The following TMF1 variants were observed in gnomAD, a reference collection of about 807,000 sequenced individuals.
TMF1 encodes TATA element modulatory factor 1, also known as TATA element modulatory factor.
Under a neutral mutation model 126.5 loss-of-function variants are expected in TMF1, and 71 were observed. The ratio of observed to expected loss-of-function variants is 0.56; its 90% CI spans 0.46 to 0.68. The LOEUF (loss-of-function observed/expected upper bound fraction) is 0.68, where lower values mean the gene tolerates loss of function less well. Among genes scored for constraint, TMF1 ranks in the 30% least tolerant of loss-of-function variants. The probability of loss-of-function intolerance (pLI) is 0.00; values close to 1 mark genes in which losing one functional copy is unlikely to be tolerated. For synonymous variants in TMF1, 461 were observed against 430.5 expected (o/e 1.07, Z -0.88); for missense variants, 1,259 against 1,253.2 (o/e 1.00, Z -0.07).
rs776115228 is a variant in TMF1, at chr3:69,047,692, C to G, written c.1013G>C (p.Ser338Thr). The G allele has an allele frequency of 3.7e-6, 6 of 1,614,024 alleles. No individual in the cohort carries two copies. The African/African-American group carries it at 8.0e-5, about 22-fold the overall frequency. Residue 338 changes from serine to threonine, a missense_variant, in exon 2 of 17, where the codon AGT (serine) becomes ACT (threonine). Ser to Thr is a moderately conservative substitution (Grantham distance 58). Coordinates refer to ENST00000398559, the MANE Select transcript of TMF1 (RefSeq NM_007114.3). ...ATCATCTGAATTGATTTCACTTACA[C>G]TCCGGCTATCTAATGACTGTACACT... Reference protein sequence around the residue: ...SFSVQSLDSRSVSEINSDDEL... With the variant: ...SFSVQSLDSRTVSEINSDDEL...
In TMF1 at chr3:69,023,010, TTAACTG is replaced by T; in HGVS notation, c.*161_*166del. On this transcript the variant is annotated 3_prime_UTR_variant, in exon 17 of 17. Transcript: ENST00000398559. ...AAGTTCAAATATTGCACAAAATAAT[TTAACTG>T]TAAATATTACTACATAGTGTAAAAC... The T allele has an allele frequency of 2.1e-6, 1 of 480,412 alleles. No individual in the cohort carries two copies. Among genetic ancestry groups the T allele is most frequent in the East Asian group, 3.5e-5 (1 of 28,678 alleles). 29.8% of individuals were successfully genotyped at this position (480,412 alleles called of 1,614,324 possible).
In TMF1 at chr3:69,043,732, A is replaced by T; in HGVS notation, c.1578+18T>A. ...ATCTCTATAGAGTTTAATTAATATT[A>T]CTTTAAATTTCAATTACCTTTTTAG... On this transcript the variant is annotated intron_variant, in intron 4 of 16. Transcript: ENST00000398559. The T allele has an allele frequency of 6.3e-7, 1 of 1,591,518 alleles. No homozygotes were observed. Among genetic ancestry groups the T allele is most frequent in the Non-Finnish European group, 8.6e-7 (1 of 1,168,970 alleles).
At chr3:69,048,870 A>G (rs2091911203) in intron 1 of TMF1, 1 of 232,754 alleles carries the variant, frequency 4.3e-6, no homozygotes. Context: ...AGGAAGTAAC[A>G]GTATATGTTT....
rs2091748066 is a variant in TMF1 at position 69,023,055 on chromosome 3, T to C, written c.*122A>G. The C allele has an allele frequency of 1.1e-6, 1 of 901,596 alleles. No homozygotes were observed. The highest frequency in any genetic ancestry group is 2.3e-5 in the South Asian group (1 of 42,738). The allele number at this position is 901,596 out of a possible 1,614,324, so 55.8% of individuals were successfully genotyped here. A position where few individuals can be genotyped will look rare whatever the true frequency, so the allele number is the denominator to read the frequency against. On this transcript the variant is annotated 3_prime_UTR_variant, in exon 17 of 17. Transcript: ENST00000398559. ...ATAGTGTAAAACAATTTTAAAAAAA[T>C]TTTTACACTCTACAGTAAATCCCAC...
In TMF1 at chr3:69,035,127, G is replaced by A; in HGVS notation, c.2152-12C>T. 6.2e-7 allele frequency: 1 copy of A among 1,605,166 alleles called. No homozygotes were observed. Among genetic ancestry groups the A allele is most frequent in the Non-Finnish European group, 8.5e-7 (1 of 1,172,402 alleles). On this transcript the variant is annotated splice_polypyrimidine_tract_variant and intron_variant, in intron 8 of 16. Transcript: ENST00000398559. ...CTAAGGTCCCCCACCTGTAGGAGGA[G>A]AAACAATACATTCACAAACAATGGT...
At chr3:69,023,520 G>C (rs2091750687) in intron 16 of TMF1, among the ~76,000 whole-genome samples, 200 bp from the exon 17 acceptor site, 1 of 151,964 alleles carries the variant, frequency 6.6e-6, no homozygotes, top group Non-Finnish European at 1.5e-5. Context: ...AACCAAGCTA[G>C]ATGGCTATCA....
intron 15 of TMF1, chr3:69,024,457 T>C (rs2091755685): frequency 5.2e-6 from 1 of 192,210 alleles, no homozygotes; most frequent in African/African-American, 2.4e-5. Flanking sequence ...ATTTTTCTAA[T>C]CTAAGGAAAT....
Position 69,024,090 on chromosome 3 carries a change from C to T in TMF1, c.3103G>A (p.Val1035Met). ...GTTCTAAGTTTGGGTATCTCCTTCA[C>T]CTTCTCTTCAAGTTCATCATTTTGA... The part of the protein sequence containing the change: ...TNQNDELEEK[V>M]KEIPKLRTQL... The change falls in exon 16 of 17, where the codon GTG becomes ATG. Residue 1035 changes from valine (V) to methionine (M), a missense_variant. Coordinates refer to ENST00000398559, the MANE Select transcript of TMF1 (RefSeq NM_007114.3). The T allele has an allele frequency of 6.2e-7, 1 of 1,609,500 alleles. No homozygotes were observed. Among genetic ancestry groups the T allele is most frequent in the Non-Finnish European group, 8.5e-7 (1 of 1,178,430 alleles).
chr3:69,027,963 T>G lies in TMF1; in HGVS notation c.2694A>C (p.Glu898Asp). ...TCCTTTCTTGTTCAACTTTCATTCT[T>G]TCCATTTCTAACTGACTATTCAACA... The part of the protein sequence containing the change: ...KTLLNSQLEM[E>D]RMKVEQERKK... Residue 898 changes from glutamate (E) to aspartate (D), a missense_variant, in exon 13 of 17, where the codon GAA (glutamate) becomes GAC (aspartate). By Grantham distance (45) the Glu-to-Asp change is conservative. Coordinates refer to ENST00000398559, the MANE Select transcript of TMF1 (RefSeq NM_007114.3). 2 of 1,582,712 alleles carry G rather than the reference T, an allele frequency of 1.3e-6. No homozygotes were observed. Among genetic ancestry groups the G allele is most frequent in the Non-Finnish European group, 1.7e-6 (2 of 1,153,384 alleles).
intron 10 of TMF1, among the ~76,000 whole-genome samples, 189 bp downstream of exon 10, chr3:69,033,359 A>T (rs940547594): frequency 6.6e-6 from 1 of 152,132 alleles, no homozygotes; most frequent in Non-Finnish European, 1.5e-5. Flanking sequence ...TAATGGGAAA[A>T]AATGGTTTGA....
intron 9 of TMF1, chr3:69,033,939 T>A: frequency 3.2e-6 from 1 of 316,888 alleles, no homozygotes; most frequent in South Asian, 5.6e-5. Flanking sequence ...CAAGCGATCC[T>A]CCCAGCTGGG....
intron 2 of TMF1, 37 bp downstream of exon 2, chr3:69,047,321 A>G (rs1227368085): frequency 1.3e-6 from 2 of 1,514,488 alleles, no homozygotes; most frequent in Non-Finnish European, 1.8e-6. Flanking sequence ...ATCTCCAAAA[A>G]GCACATCTAA....
chr3:69,039,253 T>G (rs1299446235), intron 6 of TMF1, among the ~76,000 whole-genome samples: 1 of 152,114 alleles, frequency 6.6e-6, no homozygotes, highest in African/African-American at 2.4e-5. Flanking sequence ...GCCCGGCTAA[T>G]TTTTGTATTA....
At chr3:69,023,607 A>G (rs938086107) in intron 16 of TMF1, among the ~76,000 whole-genome samples, 2 of 152,090 alleles carry the variant, frequency 1.3e-5, no homozygotes, top group Non-Finnish European at 2.9e-5. Flanking sequence ...AGCACACTTG[A>G]TATAAAATTT....
At chr3:69,049,808 G>A (rs2091916136) in intron 1 of TMF1, among the ~76,000 whole-genome samples, 1 of 152,144 alleles carries the variant, frequency 6.6e-6, no homozygotes, top group Admixed American at 6.5e-5. Flanking sequence ...ATTCGTTAAA[G>A]TATTTAAAGC....
In TMF1 at chr3:69,023,041, C is replaced by T. The variant is rs1393981529; in HGVS notation, c.*136G>A. On this transcript the variant is annotated 3_prime_UTR_variant, in exon 17 of 17. Transcript: ENST00000398559. ...GTAAATATTACTACATAGTGTAAAA[C>T]AATTTTAAAAAAATTTTTACACTCT... 1 of 740,110 alleles carries T rather than the reference C, an allele frequency of 1.4e-6. No individual in the cohort carries two copies. The highest frequency in any genetic ancestry group is 1.8e-5 in the African/African-American group (1 of 55,470). 45.8% of individuals were successfully genotyped at this position (740,110 alleles called of 1,614,324 possible).
intron 5 of TMF1, 147 bp from the exon 6 acceptor site, chr3:69,039,840 C>G (rs1410801479): frequency 6.1e-6 from 5 of 825,840 alleles, no homozygotes; most frequent in Non-Finnish European, 9.1e-6. Context: ...ATTTGGACAG[C>G]AATCATCAAT....
Position 69,047,649 on chromosome 3 carries a change from T to A in TMF1, c.1056A>T (p.Gly352=), listed in dbSNP as rs772876814. 3 of 1,614,016 alleles carry A rather than the reference T, an allele frequency of 1.9e-6. No individual in the cohort carries two copies. The highest frequency in any genetic ancestry group is 4.5e-5 in the East Asian group (2 of 44,890). ...TAACTATAATAGGCACTAAAGCATATCCCTTGCCTGACAATTCATCATCTG... is the reference window on the plus strand; with the variant it reads ...TAACTATAATAGGCACTAAAGCATAACCCTTGCCTGACAATTCATCATCTG... The part of the protein sequence containing the change: ...INSDDELSGK[G]YALVPIIVNS... Residue 352 remains glycine (G), a synonymous_variant, in exon 2 of 17, where the codon GGA becomes GGT. Transcript: ENST00000398559.
chr3:69,037,411 G>A (rs926660216), intron 8 of TMF1, among the ~76,000 whole-genome samples: 1 of 151,966 alleles, frequency 6.6e-6, no homozygotes, highest in Admixed American at 6.6e-5. Context: ...AGGCGGAGGC[G>A]GGTGGATCAC....
Sources: gnomAD v4.1 joint callset for allele counts (sites outside exome capture counted in the v4.1 genomes callset) on GRCh38, gnomAD v4.1.1 for gene constraint, MANE v1.5 for transcripts, NCBI Gene and HGNC (gene_info 2026-07-23, HGNC 2026-07-21) for gene names.